MKNK1: variants seen among roughly 807,000 people sequenced by gnomAD.
The protein encoded by MKNK1 is MAPK interacting serine/threonine kinase 1, also known as MAP kinase-interacting serine/threonine-protein kinase 1.
A neutral mutation model predicts 49.3 loss-of-function variants in MKNK1; 30 were observed. That is an observed-to-expected ratio of 0.61 (90% CI 0.46 to 0.83). The LOEUF is 0.83. MKNK1 is among the 40% of genes least tolerant of loss of function. The probability of loss-of-function intolerance (pLI) is 0.00; values close to 1 mark genes in which losing one functional copy is unlikely to be tolerated. For synonymous variants in MKNK1, 176 were observed against 201.7 expected, an observed-to-expected ratio of 0.87 and a Z score of 1.08; for missense variants, 423 against 524.7, an observed-to-expected ratio of 0.81 and a Z score of 1.89.
chr1:46,575,111 A>G (rs1670760708), intron 5 of MKNK1, 91 bp from the exon 6 acceptor site: 3 of 823,418 alleles, frequency 3.6e-6, no homozygotes, highest in Non-Finnish European at 5.7e-6. Flanking sequence ...AAAAAAATAT[A>G]CAACACCTGG....
At chr1:46,576,803 G>A (rs944046758) in intron 4 of MKNK1, 149 bp from the exon 5 acceptor site, 11 of 696,392 alleles carry the variant, frequency 1.6e-5, no homozygotes, top group Non-Finnish European at 2.3e-5. Flanking sequence ...CACCGGCACT[G>A]TGGCTCTGTT....
At position 46,560,281 on chromosome 1, in the gene MKNK1, G is replaced by A; in HGVS notation, c.970-4C>T. On this transcript the variant is annotated splice_polypyrimidine_tract_variant and splice_region_variant and intron_variant, in intron 11 of 12. Transcript: ENST00000371945. The stretch of plus-strand genomic sequence containing the variant: ...GGAGTCCCTTTTCTGGAGCTTGCTA[G>A]AATGGGAAGGACAGATGTGTAGGTA... 1 of 1,614,126 alleles carries A rather than the reference G, an allele frequency of 6.2e-7. No homozygotes were observed. Among genetic ancestry groups the A allele is most frequent in the Non-Finnish European group, 8.5e-7 (1 of 1,179,980 alleles).
intron 2 of MKNK1, chr1:46,584,939 C>T (rs1255437371): frequency 1.3e-5 from 2 of 152,108 alleles, no homozygotes; most frequent in African/African-American, 4.8e-5. Context: ...GGGACTGCAA[C>T]ACCCTATGAA....
chr1:46,573,733 CT>C (rs541818729), intron 6 of MKNK1: 2,350 of 140,240 alleles, frequency 0.017, 30 homozygotes, highest in African/African-American at 0.044. Flanking sequence ...GCTTTACATA[CT>C]TTTTTTTTTT....
rs1667278946 is a variant in MKNK1, at chr1:46,557,990, G to A, written c.*585C>T. 6.5e-6 allele frequency: 1 copy of A among 152,766 alleles called. No individual in the cohort carries two copies. Among genetic ancestry groups the A allele is most frequent in the East Asian group, 1.9e-4 (1 of 5,200 alleles). The allele number at this position is 152,766 out of a possible 1,614,324, so 9.5% of individuals were successfully genotyped here. Reference sequence around the variant, plus strand: ...CAGTCACAGCAAAGAAAGATTATGTGCTTTTCCGTGCTGCAGACCGGAAGA... The same window carrying A: ...CAGTCACAGCAAAGAAAGATTATGTACTTTTCCGTGCTGCAGACCGGAAGA... On this transcript the variant is annotated 3_prime_UTR_variant, in exon 13 of 13. Transcript: ENST00000371945.
intron 7 of MKNK1, among the ~76,000 whole-genome samples, chr1:46,571,065 G>C: frequency 1.3e-5 from 2 of 152,174 alleles, no homozygotes; most frequent in Non-Finnish European, 2.9e-5. Context: ...TTAAAAAAAA[G>C]TATGTAATAG....
Position 46,561,650 on chromosome 1 carries a change from C to T in MKNK1, c.805-8G>A, listed in dbSNP as rs1667997619. On this transcript the variant is annotated splice_region_variant and splice_polypyrimidine_tract_variant and intron_variant, in intron 10 of 12. Transcript: ENST00000371945. ...GCTTTCAAACAGCTTGTTCTAGGTA[C>T]AAAAGATTCCTCCTGAGGCCACACT... The T allele has an allele frequency of 6.2e-7, 1 of 1,613,068 alleles. No homozygotes were observed. Among genetic ancestry groups the T allele is most frequent in the South Asian group, 1.1e-5 (1 of 90,972 alleles).
At chr1:46,595,713 GCT>G (rs1673978239) in intron 1 of MKNK1, among the ~76,000 whole-genome samples, 1 of 152,164 alleles carries the variant, frequency 6.6e-6, no homozygotes, top group Non-Finnish European at 1.5e-5. Flanking sequence ...CTCAGGGTAT[GCT>G]CTCTTTCTTC....
At chr1:46,588,723 C>T (rs957150610) in intron 2 of MKNK1, among the ~76,000 whole-genome samples, 4 of 150,306 alleles carry the variant, frequency 2.7e-5, no homozygotes, top group Non-Finnish European at 4.4e-5. Context: ...AGGAGAATGG[C>T]GTAAACCCCG....
chr1:46,567,558 C>T (rs1009648806), intron 8 of MKNK1, among the ~76,000 whole-genome samples: 1 of 152,192 alleles, frequency 6.6e-6, no homozygotes, highest in Admixed American at 6.5e-5. Context: ...ACAGAAGTCA[C>T]AAGATCTTAT....
chr1:46,561,688 C>T (rs1296520000), intron 10 of MKNK1, 46 bp from the exon 11 acceptor site: 1 of 1,592,740 alleles, frequency 6.3e-7, no homozygotes, highest in Non-Finnish European at 8.6e-7. Flanking sequence ...CAGGGATGGG[C>T]AGGATGTGCC....
intron 3 of MKNK1, chr1:46,582,955 T>TGATA: frequency 1.6e-6 from 1 of 613,146 alleles, no homozygotes; most frequent in Non-Finnish European, 3.0e-6. Context: ...GCAATGCCAC[T>TGATA]GATAGATGGG....
At chr1:46,570,534 T>G (rs1388084345) in intron 7 of MKNK1, among the ~76,000 whole-genome samples, 1 of 152,224 alleles carries the variant, frequency 6.6e-6, no homozygotes, top group Non-Finnish European at 1.5e-5. Flanking sequence ...CTGAACCTCC[T>G]GGACATGCGC....
intron 4 of MKNK1, among the ~76,000 whole-genome samples, chr1:46,578,433 C>A (rs980026242): frequency 6.6e-6 from 1 of 152,094 alleles, no homozygotes; most frequent in African/African-American, 2.4e-5. Context: ...CCAGTGTTTG[C>A]CTCAAAGATG....
chr1:46,559,717 T>G (rs1667599812), intron 12 of MKNK1: 1 of 165,972 alleles, frequency 6.0e-6, no homozygotes, highest in Admixed American at 5.6e-5. Flanking sequence ...TGATCGCAGC[T>G]CACTGCAACC....
rs148415392 is a variant in MKNK1 at position 46,571,529 on chromosome 1, A to G, written c.457+534T>C. 565 of 441,118 alleles carry G rather than the reference A, an allele frequency of 1.3e-3. 2 individuals carry two copies. Among genetic ancestry groups the G allele is most frequent in the African/African-American group, 0.01 (503 of 48,686 alleles). 27.3% of individuals were successfully genotyped at this position (441,118 alleles called of 1,614,324 possible). On this transcript the variant is annotated intron_variant, in intron 7 of 12. Coordinates refer to ENST00000371945, the MANE Select transcript of MKNK1 (RefSeq NM_001135553.4). ...TAGCACTCCAGCCTAGGTGACAGAGAGAGACTTTGTCTAAAAAGGAAAAAA... is the reference window on the plus strand; with the variant it reads ...TAGCACTCCAGCCTAGGTGACAGAGGGAGACTTTGTCTAAAAAGGAAAAAA...
intron 12 of MKNK1, 66 bp from the exon 13 acceptor site, chr1:46,558,866 G>C (rs1476027743): frequency 1.4e-6 from 2 of 1,382,878 alleles, no homozygotes; most frequent in East Asian, 4.6e-5. Flanking sequence ...GCCAGCTCCG[G>C]GACACTCCCA....
intron 2 of MKNK1, among the ~76,000 whole-genome samples, chr1:46,586,699 A>G (rs991419102): frequency 2.0e-5 from 3 of 152,222 alleles, no homozygotes; most frequent in African/African-American, 7.2e-5. Context: ...CCCTGTAGAC[A>G]ATGCAGAGTA....
intron 10 of MKNK1, 102 bp from the exon 11 acceptor site, chr1:46,561,744 T>C: frequency 7.5e-7 from 1 of 1,333,544 alleles, no homozygotes; most frequent in Non-Finnish European, 1.0e-6. Flanking sequence ...CAGCTGTAGC[T>C]GCAGCTCATG....
Sources: allele counts gnomAD v4.1 joint callset (sites outside exome capture counted in the v4.1 genomes callset), GRCh38; gene constraint gnomAD v4.1.1; transcripts MANE v1.5; gene names NCBI Gene and HGNC (gene_info 2026-07-23, HGNC 2026-07-21).